The following ATF2 variants were observed in gnomAD, a reference collection of about 807,000 sequenced individuals.
The protein encoded by ATF2 is activating transcription factor 2.
A neutral mutation model predicts 60.6 loss-of-function variants in ATF2; 24 were observed. The ratio of observed to expected loss-of-function variants is 0.40; its 90% CI spans 0.29 to 0.56. The LOEUF is 0.56. Among genes scored for constraint, ATF2 ranks in the 20% least tolerant of loss-of-function variants. ATF2 has a pLI of 0.54. For missense variants in ATF2, 433 were observed against 607.7 expected, an observed-to-expected ratio of 0.71 and a Z score of 3.02; for synonymous variants, 206 against 215.4, an observed-to-expected ratio of 0.96 and a Z score of 0.38.
chr2:175,132,746 T>C (rs1367595476), intron 3 of ATF2: 1 of 152,208 alleles, frequency 6.6e-6, no homozygotes, highest in Non-Finnish European at 1.5e-5. Context: ...TTTTAAGTAA[T>C]GAATTCAGTA....
Position 175,073,780 on chromosome 2 carries a change from A to G in ATF2, c.*829T>C, listed in dbSNP as rs1467317475. Reference sequence around the variant, plus strand: ...AAATCTGTAAAAACAACAACAAAAAAACCAAAAACAAGAGCTAATTTCAAA... The same window carrying G: ...AAATCTGTAAAAACAACAACAAAAAGACCAAAAACAAGAGCTAATTTCAAA... On this transcript the variant is annotated 3_prime_UTR_variant, in exon 14 of 14. Coordinates refer to ENST00000264110, the MANE Select transcript of ATF2 (RefSeq NM_001880.4). 1 of 152,126 alleles carries G rather than the reference A, an allele frequency of 6.6e-6. No homozygotes were observed. Among genetic ancestry groups the G allele is most frequent in the Non-Finnish European group, 1.5e-5 (1 of 68,016 alleles). 9.4% of individuals were successfully genotyped at this position (152,126 alleles called of 1,614,324 possible). A position where few individuals can be genotyped will look rare whatever the true frequency, so the allele number is the denominator to read the frequency against.
At chr2:175,109,609 T>C (rs894162053) in intron 10 of ATF2, among the ~76,000 whole-genome samples, 3 of 152,258 alleles carry the variant, frequency 2.0e-5, no homozygotes, top group East Asian at 3.8e-4. Flanking sequence ...GATTTGTTCC[T>C]TTTGAATTAA....
intron 1 of ATF2, among the ~76,000 whole-genome samples, chr2:175,156,820 CTG>C (rs1207009107): frequency 6.6e-6 from 1 of 152,206 alleles, no homozygotes; most frequent in Non-Finnish European, 1.5e-5. Context: ...CCTACTAAAA[CTG>C]TGAGACAATA....
At chr2:175,094,195 C>A (rs906640705) in intron 11 of ATF2, among the ~76,000 whole-genome samples, 4 of 151,962 alleles carry the variant, frequency 2.6e-5, no homozygotes, top group African/African-American at 9.7e-5. Context: ...GAGTTCGAGA[C>A]CAGCCTGGCC....
At chr2:175,167,813 C>A in intron 1 of ATF2, 1 of 439,558 alleles carries the variant, frequency 2.3e-6, no homozygotes, top group Non-Finnish European at 4.9e-6. Context: ...ACAACGAACG[C>A]TGGTTACCTA....
At chr2:175,113,241 G>A (rs1040182096) in intron 9 of ATF2, among the ~76,000 whole-genome samples, 4 of 151,498 alleles carry the variant, frequency 2.6e-5, no homozygotes, top group African/African-American at 7.3e-5. Context: ...TCCAAACAAT[G>A]TGTTTTTAAA....
Position 175,073,411 on chromosome 2 carries a change from G to C in ATF2, c.*1198C>G, listed in dbSNP as rs950389893. 7 of 151,782 alleles carry C rather than the reference G, an allele frequency of 4.6e-5. No individual in the cohort carries two copies. Among genetic ancestry groups the C allele is most frequent in the Admixed American group, 1.3e-4 (2 of 15,176 alleles). The allele number at this position is 151,782 out of a possible 1,614,324, so 9.4% of individuals were successfully genotyped here. A position where few individuals can be genotyped will look rare whatever the true frequency, so the allele number is the denominator to read the frequency against. ...TCTATTGGCCAGCATCACACTGAAG[G>C]CATCGTTAAACATTCAAGCAAAGAT... On this transcript the variant is annotated 3_prime_UTR_variant, in exon 14 of 14. Coordinates refer to ENST00000264110, the MANE Select transcript of ATF2 (RefSeq NM_001880.4).
At chr2:175,089,104 C>T (rs374253357) in intron 12 of ATF2, among the ~76,000 whole-genome samples, 2 of 151,588 alleles carry the variant, frequency 1.3e-5, no homozygotes, top group African/African-American at 4.9e-5. Flanking sequence ...TGCTTGAACC[C>T]GGGAGGTGGA....
chr2:175,102,257 T>C (rs1423495787), intron 10 of ATF2, among the ~76,000 whole-genome samples: 1 of 152,214 alleles, frequency 6.6e-6, no homozygotes, highest in Non-Finnish European at 1.5e-5. Flanking sequence ...ACTCTATTTG[T>C]TGACTCCCAG....
intron 13 of ATF2, among the ~76,000 whole-genome samples, chr2:175,076,259 G>A (rs1391904720): frequency 6.6e-6 from 1 of 152,032 alleles, no homozygotes; most frequent in Non-Finnish European, 1.5e-5. Context: ...ATACATTAAT[G>A]AGATGGAACC....
At chr2:175,164,672 T>C (rs1410109499) in intron 1 of ATF2, among the ~76,000 whole-genome samples, 1 of 152,210 alleles carries the variant, frequency 6.6e-6, no homozygotes, top group Non-Finnish European at 1.5e-5. Context: ...TAAAATGTTC[T>C]CTGGGGTTTT....
rs967611810 is a variant in ATF2, at chr2:175,073,146, C to T, written c.*1463G>A. ...ATAACTATTTTACAAAGTTTTCTTA[C>T]GCACATCTACTACTTTTAAAATTTT... On this transcript the variant is annotated 3_prime_UTR_variant, in exon 14 of 14. Transcript: ENST00000264110. 3 of 152,116 alleles carry T rather than the reference C, an allele frequency of 2.0e-5. No homozygotes were observed. The highest frequency in any genetic ancestry group is 1.9e-4 in the East Asian group (1 of 5,198). 9.4% of individuals were successfully genotyped at this position (152,116 alleles called of 1,614,324 possible).
At chr2:175,076,926 T>A (rs1693361242) in intron 13 of ATF2, among the ~76,000 whole-genome samples, 1 of 151,602 alleles carries the variant, frequency 6.6e-6, no homozygotes, top group African/African-American at 2.4e-5. Context: ...TAGGTATATC[T>A]CCCAATGCTA....
At chr2:175,097,708 T>C (rs1695028636) in intron 10 of ATF2, 115 bp from the exon 11 acceptor site, 1 of 1,060,512 alleles carries the variant, frequency 9.4e-7, no homozygotes, top group Non-Finnish European at 1.4e-6. Context: ...TGCCTAGTAC[T>C]ACTAGAGGAT....
chr2:175,144,810 A>G (rs1486333018), intron 2 of ATF2, among the ~76,000 whole-genome samples: 1 of 152,244 alleles, frequency 6.6e-6, no homozygotes, highest in Non-Finnish European at 1.5e-5. Flanking sequence ...CGGCATCCAC[A>G]TGAAGTAAAG....
intron 2 of ATF2, among the ~76,000 whole-genome samples, chr2:175,142,714 AGAGAGAGTGTGT>A (rs1559109787): frequency 8.0e-6 from 1 of 124,790 alleles, no homozygotes; most frequent in East Asian, 2.5e-4. Flanking sequence ...AGAGAGAGAG[AGAGAGAGTGTGT>A]GTGTGTGTGT....
chr2:175,136,959 A>G (rs75543513), intron 2 of ATF2, among the ~76,000 whole-genome samples: 5,196 of 152,190 alleles, frequency 0.034, 289 homozygotes, highest in African/African-American at 0.12. Context: ...GTATCAGCTT[A>G]AGGACAAGTA....
chr2:175,145,616 C>T (rs947295181), intron 2 of ATF2, among the ~76,000 whole-genome samples: 3 of 152,096 alleles, frequency 2.0e-5, no homozygotes, highest in Admixed American at 1.3e-4. Flanking sequence ...TAATACGGTG[C>T]GTAAATACCA....
chr2:175,164,422 T>A (rs943555844), intron 1 of ATF2, among the ~76,000 whole-genome samples: 4 of 152,030 alleles, frequency 2.6e-5, no homozygotes, highest in African/African-American at 7.2e-5. Flanking sequence ...TAATCCTAGT[T>A]ATTCGGGAGG....
Sources: gnomAD v4.1 joint callset for allele counts (sites outside exome capture counted in the v4.1 genomes callset) on GRCh38, gnomAD v4.1.1 for gene constraint, MANE v1.5 for transcripts, NCBI Gene and HGNC (gene_info 2026-07-23, HGNC 2026-07-21) for gene names.